Variants in STKLD1 observed in about 807,000 individuals in gnomAD.
STKLD1 encodes the protein serine/threonine kinase like domain containing 1.
STKLD1 carries 79 observed loss-of-function variants against 80.4 expected under a neutral mutation model. The ratio of observed to expected loss-of-function variants is 0.98; its 90% CI spans 0.82 to 1.19. The LOEUF (loss-of-function observed/expected upper bound fraction) is 1.19. Ranked by LOEUF, STKLD1 falls within the 50% of genes most tolerant of loss-of-function variation. STKLD1 has a pLI of 0.00. For synonymous variants in STKLD1, 393 were observed against 357.6 expected (o/e 1.10, Z -1.12); for missense variants, 841 against 856.0 (o/e 0.98, Z 0.22).
Position 133,404,786 on chromosome 9 carries a change from C to T in STKLD1, c.1733-3C>T, listed in dbSNP as rs587740173. ...AATGAACCCACTCCCACCCATCCCC[C>T]AGAGCTGGCGGCCTTCAAGGTGGTG... On this transcript the variant is annotated splice_region_variant and splice_polypyrimidine_tract_variant and intron_variant, in intron 16 of 17. Transcript: ENST00000371957. 2.7e-5 allele frequency: 43 copies of T among 1,612,360 alleles called. No homozygotes were observed. The African/African-American group carries it at 2.9e-4, about 11-fold the overall frequency.
At chr9:133,393,973 C>A (rs1478512980) in intron 7 of STKLD1, 5 of 310,178 alleles carry the variant, frequency 1.6e-5, no homozygotes, top group African/African-American at 2.1e-5. Context: ...TTTCTTGGCA[C>A]GTGCCTCTTC....
intron 9 of STKLD1, 147 bp downstream of exon 9, chr9:133,395,910 GC>G (rs1838549900): frequency 1.2e-6 from 1 of 833,932 alleles, no homozygotes; most frequent in Non-Finnish European, 1.8e-6. Context: ...GCTGGGCTTT[GC>G]CCAGTTCTGG....
chr9:133,377,267 A>T (rs1838000490), intron 1 of STKLD1, among the ~76,000 whole-genome samples: 1 of 152,204 alleles, frequency 6.6e-6, no homozygotes, highest in Non-Finnish European at 1.5e-5. Context: ...TTTGGAAAAA[A>T]AAATAGACTT....
At position 133,404,016 on chromosome 9, in the gene STKLD1, A is replaced by G; in HGVS notation, c.1700A>G (p.Tyr567Cys). 1 of 1,611,238 alleles carries G rather than the reference A, an allele frequency of 6.2e-7. No individual in the cohort carries two copies. The highest frequency in any genetic ancestry group is 2.2e-5 in the East Asian group (1 of 44,866). ...AGAGCCCTGCTGGTGAACAATGCCT[A>G]CCGGGGACTGGCCAGCCTGGTGAAG... Reference protein sequence around the residue: ...QDRALLVNNAYRGLASLVKVS... With the variant: ...QDRALLVNNACRGLASLVKVS... The change falls in exon 16 of 18, where the codon TAC (tyrosine) becomes TGC (cysteine). Residue 567 changes from tyrosine to cysteine, a missense_variant. Transcript: ENST00000371957.
rs2130274789 is a variant in STKLD1 at position 133,385,578 on chromosome 9, G to A, written c.220-39G>A. On this transcript the variant is annotated intron_variant, in intron 3 of 17. Coordinates refer to ENST00000371957, the MANE Select transcript of STKLD1 (RefSeq NM_153710.5). This position sits in a 1 kb window ranked among gnomAD's most constrained non-coding sequence, Gnocchi z 4.9. ...GCCCGAGCTGAGAAAGGCGTGGAGAGGCACTGACTTCTCCGTTTCCTCTGC... is the reference window on the plus strand; with the variant it reads ...GCCCGAGCTGAGAAAGGCGTGGAGAAGCACTGACTTCTCCGTTTCCTCTGC... 2 of 1,595,750 alleles carry A rather than the reference G, an allele frequency of 1.3e-6. No individual in the cohort carries two copies. The highest frequency in any genetic ancestry group is 1.7e-6 in the Non-Finnish European group (2 of 1,164,718).
intron 5 of STKLD1, among the ~76,000 whole-genome samples, chr9:133,388,095 GA>G (rs1287672316): frequency 1.3e-5 from 2 of 152,200 alleles, no homozygotes; most frequent in African/African-American, 4.8e-5. Context: ...GAATACCTAG[GA>G]GTGGAATTAT....
chr9:133,404,758 G>C, intron 16 of STKLD1, 31 bp from the exon 17 acceptor site: 1 of 1,607,010 alleles, frequency 6.2e-7, no homozygotes, highest in African/African-American at 1.3e-5. Flanking sequence ...GGGGAAAGCA[G>C]GGAATGAACC....
At chr9:133,403,360 CTGTT>C (rs1554778066) in intron 14 of STKLD1, among the ~76,000 whole-genome samples, 1 of 152,072 alleles carries the variant, frequency 6.6e-6, no homozygotes, top group Non-Finnish European at 1.5e-5. Context: ...GCTGGATGCC[CTGTT>C]TGTTTTGATT....
intron 2 of STKLD1, among the ~76,000 whole-genome samples, chr9:133,381,770 C>T (rs1341291902): frequency 1.3e-5 from 2 of 152,144 alleles, no homozygotes; most frequent in Non-Finnish European, 2.9e-5. Flanking sequence ...ATTTTCAAGT[C>T]TTTCCATGTT....
rs1389067615 is a variant in STKLD1 at position 133,400,399 on chromosome 9, G to A, written c.1082-14G>A. ...GCCCAAAATGAGTCTCCCCTGTGCC[G>A]CCCGCCCTGCCAGGTCTGCCGTGGC... On this transcript the variant is annotated splice_polypyrimidine_tract_variant and intron_variant, in intron 11 of 17. Transcript: ENST00000371957. 2.6e-5 allele frequency: 41 copies of A among 1,604,856 alleles called. No individual in the cohort carries two copies. Among genetic ancestry groups the A allele is most frequent in the Non-Finnish European group, 3.1e-5 (37 of 1,174,910 alleles).
In STKLD1 at chr9:133,385,725, C is replaced by T; in HGVS notation, c.294+34C>T. On this transcript the variant is annotated intron_variant, in intron 4 of 17. Transcript: ENST00000371957. This position sits in a 1 kb window ranked among gnomAD's most constrained non-coding sequence, Gnocchi z 4.9. The stretch of plus-strand genomic sequence containing the variant: ...GAGCTGACACCTACGGGCTCAGCCG[C>T]CACGCAGTGGGCTGCAGGACCAAGC... 6.3e-7 allele frequency: 1 copy of T among 1,597,398 alleles called. No homozygotes were observed. Among genetic ancestry groups the T allele is most frequent in the South Asian group, 1.1e-5 (1 of 90,696 alleles).
In STKLD1 at chr9:133,404,002, G is replaced by A. The variant is rs1838776412; in HGVS notation, c.1686G>A (p.Leu562=). Residue 562 remains leucine, a synonymous_variant, in exon 16 of 18, where the codon CTG becomes CTA. Transcript: ENST00000371957. ...GGCTGTGCCAGGACAGAGCCCTGCT[G>A]GTGAACAATGCCTACCGGGGACTGG... ...SIRLCQDRAL[L]VNNAYRGLAS... 1.9e-6 allele frequency: 3 copies of A among 1,611,818 alleles called. No homozygotes were observed. The highest frequency in any genetic ancestry group is 1.1e-5 in the South Asian group (1 of 90,870).
Position 133,396,721 on chromosome 9 carries a change from C to T in STKLD1, c.867-443C>T, listed in dbSNP as rs112480038. On this transcript the variant is annotated intron_variant, in intron 9 of 17. Transcript: ENST00000371957. ...GCAGTGAGCCGAGATTGTGCCACTGCACTCCAGCCTAGGTGACAAGAGTGA... is the reference window on the plus strand; with the variant it reads ...GCAGTGAGCCGAGATTGTGCCACTGTACTCCAGCCTAGGTGACAAGAGTGA... 3.9e-5 allele frequency among the ~76,000 whole-genome samples: 6 copies of T among 152,242 alleles called. 1 individual carries two copies. Among genetic ancestry groups the T allele is most frequent in the African/African-American group, 1.4e-4 (6 of 41,552 alleles).
At position 133,397,258 on chromosome 9, in the gene STKLD1, G is replaced by A. The variant is rs201437676; in HGVS notation, c.961G>A (p.Asp321Asn). Reference sequence around the variant, plus strand: ...GCAGATGGTGCCTGCGTCCATCACCGACATGCTGTTAGAAGGCAACGTGGC... The same window carrying A: ...GCAGATGGTGCCTGCGTCCATCACCAACATGCTGTTAGAAGGCAACGTGGC... ...HRQMVPASITDMLLEGNVASI... is the reference protein window; with the variant it reads ...HRQMVPASITNMLLEGNVASI... The change falls in exon 10 of 18, where the codon GAC becomes AAC. Residue 321 changes from aspartate to asparagine, a missense_variant. Asp to Asn is a conservative substitution (Grantham distance 23). Coordinates refer to ENST00000371957, the MANE Select transcript of STKLD1 (RefSeq NM_153710.5). 7.7e-5 allele frequency: 125 copies of A among 1,613,816 alleles called. 1 individual carries two copies. In the Admixed American group the frequency reaches 1.4e-3, roughly 19 times the overall value.
chr9:133,405,847 G>C lies in STKLD1; in HGVS notation c.*426G>C, dbSNP rs1838847918. The C allele has an allele frequency of 6.3e-6, 1 of 159,338 alleles. No individual in the cohort carries two copies. The highest frequency in any genetic ancestry group is 2.4e-5 in the African/African-American group (1 of 41,554). The allele number at this position is 159,338 out of a possible 1,614,324, so 9.9% of individuals were successfully genotyped here. A position where few individuals can be genotyped will look rare whatever the true frequency, so the allele number is the denominator to read the frequency against. Reference sequence around the variant, plus strand: ...ACTGTTTCCCTTGGGGTGGGGGGAAGGGTCATCCAGCACCAGAATGCGCAT... The same window carrying C: ...ACTGTTTCCCTTGGGGTGGGGGGAACGGTCATCCAGCACCAGAATGCGCAT... On this transcript the variant is annotated 3_prime_UTR_variant, in exon 18 of 18. Transcript: ENST00000371957.
chr9:133,387,390 C>A, intron 4 of STKLD1, 57 bp from the exon 5 acceptor site: 3 of 1,431,274 alleles, frequency 2.1e-6, no homozygotes, highest in Non-Finnish European at 2.9e-6. Context: ...AGCAGGTGAG[C>A]CTGCAGAAGC....
intron 2 of STKLD1, among the ~76,000 whole-genome samples, chr9:133,382,422 G>C (rs894149804): frequency 2.0e-5 from 3 of 152,184 alleles, no homozygotes; most frequent in African/African-American, 7.2e-5. Flanking sequence ...GGAATGGTGG[G>C]AGCCTGTCAC....
chr9:133,379,331 C>G lies in STKLD1; in HGVS notation c.174+209C>G, dbSNP rs187012064. Among the ~76,000 whole-genome samples, 6 of 152,306 alleles carry G rather than the reference C, an allele frequency of 3.9e-5. No homozygotes were observed. The East Asian group carries it at 1.2e-3, about 29-fold the overall frequency. Reference sequence around the variant, plus strand: ...TGGGGAAGCAATGCTAATTTTTACTCCAACACCACCACCTCCCACCATTTA... The same window carrying G: ...TGGGGAAGCAATGCTAATTTTTACTGCAACACCACCACCTCCCACCATTTA... On this transcript the variant is annotated intron_variant, in intron 2 of 17. Transcript: ENST00000371957.
intron 9 of STKLD1, 54 bp from the exon 10 acceptor site, chr9:133,397,110 G>C: frequency 6.2e-7 from 1 of 1,609,304 alleles, no homozygotes; most frequent in Non-Finnish European, 8.5e-7. Context: ...AGCCCCACGG[G>C]GAGGTGGCAG....
Sources: allele counts gnomAD v4.1 joint callset (sites outside exome capture counted in the v4.1 genomes callset), GRCh38; gene constraint gnomAD v4.1.1; non-coding constraint Gnocchi (gnomAD v3.1); transcripts MANE v1.5; gene names NCBI Gene and HGNC (gene_info 2026-07-23, HGNC 2026-07-21).